CUX2: variants seen among roughly 807,000 people sequenced by gnomAD.
CUX2 encodes the protein cut like homeobox 2, also known as homeobox protein cut-like 2.
In CUX2, 40 loss-of-function variants were observed where a neutral mutation model predicts 144.8. The observed-to-expected ratio is 0.28, with a 90% CI of 0.21 to 0.36. The LOEUF (loss-of-function observed/expected upper bound fraction) is 0.36, where lower values mean the gene tolerates loss of function less well. Ranked by LOEUF, CUX2 falls within the 10% of genes least tolerant of loss-of-function variation. The probability of loss-of-function intolerance (pLI) is 1.00; values close to 1 mark genes in which losing one functional copy is unlikely to be tolerated. For synonymous variants in CUX2, 827 were observed against 875.6 expected, an observed-to-expected ratio of 0.94 and a Z score of 0.98; for missense variants, 1,615 against 1,994.0, an observed-to-expected ratio of 0.81 and a Z score of 3.62.
chr12:111,308,425 A>G lies in CUX2; in HGVS notation c.1159-2A>G. On this transcript the variant is annotated splice_acceptor_variant, in intron 13 of 21. Transcript: ENST00000261726. LOFTEE classifies it high-confidence loss of function. ...CCTCTCAACCTGCCTCTTGTCTCCT[A>G]GGGCATGGCCAAGCCTGAAGACTCA... is the stretch of plus-strand genomic sequence containing the variant. 1 of 1,614,048 alleles carries G rather than the reference A, an allele frequency of 6.2e-7. No individual in the cohort carries two copies. The highest frequency in any genetic ancestry group is 8.5e-7 in the Non-Finnish European group (1 of 1,179,986).
chr12:111,241,990 T>G (rs1249155631), intron 3 of CUX2, among the ~76,000 whole-genome samples: 2 of 152,278 alleles, frequency 1.3e-5, no homozygotes, highest in Admixed American at 1.3e-4. Context: ...TCATCCTTGC[T>G]TTCTTTGCTT....
chr12:111,308,889 A>G (rs1269708087), intron 14 of CUX2, among the ~76,000 whole-genome samples: 1 of 151,982 alleles, frequency 6.6e-6, no homozygotes, highest in Non-Finnish European at 1.5e-5. Context: ...TGCGGACATG[A>G]TCACCCTGTC....
chr12:111,334,577 C>G lies in CUX2; in HGVS notation c.3063C>G (p.Ser1021=). Residue 1021 remains serine, a synonymous_variant, in exon 19 of 22, where the codon TCC becomes TCG. Coordinates refer to ENST00000261726, the MANE Select transcript of CUX2 (RefSeq NM_015267.4). ...AGCAGCCAGAGGGCCGCTCCAGCTC[C>G]TCGTTGAGCGGGAAGATGTACTCAG... is the stretch of plus-strand genomic sequence containing the variant. The part of the protein sequence containing the change: ...ENQQPEGRSS[S]SLSGKMYSGS... The G allele has an allele frequency of 1.2e-6, 2 of 1,614,060 alleles. No individual in the cohort carries two copies. Among genetic ancestry groups the G allele is most frequent in the Non-Finnish European group, 1.7e-6 (2 of 1,180,026 alleles).
chr12:111,060,692 C>A (rs200982130), intron 1 of CUX2, among the ~76,000 whole-genome samples: 1 of 152,212 alleles, frequency 6.6e-6, no homozygotes, highest in African/African-American at 2.4e-5. Flanking sequence ...GATACTGAGA[C>A]GAGCAAATTC....
chr12:111,234,135 T>C (rs1882616778), intron 3 of CUX2, among the ~76,000 whole-genome samples: 1 of 152,156 alleles, frequency 6.6e-6, no homozygotes, highest in South Asian at 2.1e-4. Context: ...AAAAACAGAA[T>C]TAAGTTAGCA....
intron 1 of CUX2, among the ~76,000 whole-genome samples, chr12:111,138,983 C>T (rs1876115354): frequency 1.3e-5 from 2 of 151,668 alleles, no homozygotes; most frequent in African/African-American, 4.9e-5. Context: ...GAGGGCATAT[C>T]CCCGTCCCCC....
At chr12:111,194,359 G>A (rs138322796) in intron 1 of CUX2, among the ~76,000 whole-genome samples, 32 of 152,286 alleles carry the variant, frequency 2.1e-4, no homozygotes, top group African/African-American at 6.7e-4. Flanking sequence ...GGCTAGACCC[G>A]AGTTTGCAAA....
At chr12:111,206,984 G>A (rs1289008308) in intron 1 of CUX2, among the ~76,000 whole-genome samples, 8 of 152,198 alleles carry the variant, frequency 5.3e-5, no homozygotes, top group African/African-American at 1.7e-4. Flanking sequence ...ATGGGTGGAT[G>A]TATGTCTGGA....
rs571278069 is a variant in CUX2 at position 111,293,365 on chromosome 12, C to G, written c.437-81C>G. 6 of 1,496,842 alleles carry G rather than the reference C, an allele frequency of 4.0e-6. No homozygotes were observed. The Admixed American group carries it at 7.3e-5, about 18-fold the overall frequency. 92.7% of individuals were successfully genotyped at this position (1,496,842 alleles called of 1,614,324 possible). A position where few individuals can be genotyped will look rare whatever the true frequency, so the allele number is the denominator to read the frequency against. On this transcript the variant is annotated intron_variant, in intron 5 of 21. Transcript: ENST00000261726. This position sits in a 1 kb window ranked among gnomAD's most constrained non-coding sequence, Gnocchi z 4.5. ...TGGGAAATTGATCACAATCAATGAT[C>G]GATCCGGTTTACAGAAAGCGGCTCT...
chr12:111,136,449 A>G (rs916345151), intron 1 of CUX2, among the ~76,000 whole-genome samples: 3 of 152,148 alleles, frequency 2.0e-5, no homozygotes, highest in Admixed American at 6.5e-5. Context: ...GCCAGACCCA[A>G]CAGGGGCAAG....
chr12:111,251,012 T>C (rs1883534622), intron 3 of CUX2, among the ~76,000 whole-genome samples: 1 of 152,174 alleles, frequency 6.6e-6, no homozygotes, highest in Admixed American at 6.5e-5. Context: ...TAGTGTATTT[T>C]TTTTAATACC....
intron 1 of CUX2, among the ~76,000 whole-genome samples, chr12:111,182,267 G>A (rs1183450010): frequency 6.6e-6 from 1 of 152,160 alleles, no homozygotes; most frequent in African/African-American, 2.4e-5. Context: ...CTCAAAGGTT[G>A]GCACCACTTG....
At chr12:111,205,084 C>G (rs990088699) in intron 1 of CUX2, among the ~76,000 whole-genome samples, 1 of 152,084 alleles carries the variant, frequency 6.6e-6, no homozygotes, top group African/African-American at 2.4e-5. Flanking sequence ...CTCTGGTAAC[C>G]CGGGCTGTCT....
intron 3 of CUX2, among the ~76,000 whole-genome samples, chr12:111,240,864 A>T (rs1434551354): frequency 6.6e-6 from 1 of 152,198 alleles, no homozygotes; most frequent in Non-Finnish European, 1.5e-5. Flanking sequence ...TTAGGTATCT[A>T]TTAATACCTC....
chr12:111,279,713 G>A lies in CUX2; in HGVS notation c.302-11705G>A, dbSNP rs549964014. On this transcript the variant is annotated intron_variant, in intron 4 of 21. Transcript: ENST00000261726. The stretch of plus-strand genomic sequence containing the variant: ...AAAAATAAACAAGGAGCTGGGCTCG[G>A]TGGCTCATGCCTGTAATCCCAGCAC... Among the ~76,000 whole-genome samples the A allele has an allele frequency of 4.6e-5, 7 of 152,320 alleles. 1 individual carries two copies. The South Asian group carries it at 1.2e-3, about 27-fold the overall frequency.
At chr12:111,103,222 C>T (rs894136846) in intron 1 of CUX2, among the ~76,000 whole-genome samples, 2 of 152,108 alleles carry the variant, frequency 1.3e-5, no homozygotes, top group African/African-American at 2.4e-5. Context: ...AAGCGGTGCA[C>T]CATGCTCACT....
At chr12:111,265,332 T>C (rs1884332568) in intron 4 of CUX2, among the ~76,000 whole-genome samples, 1 of 148,826 alleles carries the variant, frequency 6.7e-6, no homozygotes, top group Non-Finnish European at 1.5e-5. Flanking sequence ...TTATTTTATT[T>C]TATTTTATTT....
rs751399968 is a variant in CUX2, at chr12:111,322,415, T to C, written c.2767-6T>C. 4.7e-5 allele frequency: 69 copies of C among 1,470,978 alleles called. No individual in the cohort carries two copies. Among genetic ancestry groups the C allele is most frequent in the Non-Finnish European group, 6.1e-5 (67 of 1,095,892 alleles). The allele number at this position is 1,470,978 out of a possible 1,614,324, so 91.1% of individuals were successfully genotyped here. A position where few individuals can be genotyped will look rare whatever the true frequency, so the allele number is the denominator to read the frequency against. On this transcript the variant is annotated splice_region_variant and splice_polypyrimidine_tract_variant and intron_variant, in intron 17 of 21. Transcript: ENST00000261726. This position sits in a 1 kb window ranked among gnomAD's most constrained non-coding sequence, Gnocchi z 4.2. The stretch of plus-strand genomic sequence containing the variant: ...CTGACCTACCCCCCTGGCCCGCCCC[T>C]CGCAGGTGCTGGGCCTGTCACAGGG...
At chr12:111,073,522 G>T (rs1179045033) in intron 1 of CUX2, among the ~76,000 whole-genome samples, 3 of 151,968 alleles carry the variant, frequency 2.0e-5, no homozygotes, top group Admixed American at 6.6e-5. Flanking sequence ...ATAAATAAGG[G>T]TTTCTCAGTC....
Sources: gnomAD v4.1 joint callset for allele counts (sites outside exome capture counted in the v4.1 genomes callset) on GRCh38, gnomAD v4.1.1 for gene constraint, Gnocchi (gnomAD v3.1) non-coding constraint, MANE v1.5 for transcripts, NCBI Gene and HGNC (gene_info 2026-07-23, HGNC 2026-07-21) for gene names.